PCDHA10: variants seen among roughly 807,000 people sequenced by gnomAD.
The protein encoded by PCDHA10 is protocadherin alpha-10.
PCDHA10 carries 45 observed loss-of-function variants against 61.2 expected under a neutral mutation model. The ratio of observed to expected loss-of-function variants is 0.74; its 90% CI spans 0.58 to 0.94. The LOEUF (loss-of-function observed/expected upper bound fraction) is 0.94, where lower values mean the gene tolerates loss of function less well. Among genes scored for constraint, PCDHA10 ranks in the 40% least tolerant of loss-of-function variants. PCDHA10 has a pLI of 0.00. For missense variants in PCDHA10, 1,278 were observed against 1,236.2 expected, an observed-to-expected ratio of 1.03 and a Z score of -0.51; for synonymous variants, 602 against 548.8, an observed-to-expected ratio of 1.10 and a Z score of -1.35.
rs139165612 is a variant in PCDHA10 at position 140,875,715 on chromosome 5, T to C, written c.2388+17279T>C. On this transcript the variant is annotated intron_variant, in intron 1 of 3. Coordinates refer to ENST00000307360, the MANE Select transcript of PCDHA10 (RefSeq NM_018901.4). Reference sequence around the variant, plus strand: ...ACCTTCTGGAGGTAAATCTGCAGAATGGCATTTTGTTTGTGAATTCTCGGA... The same window carrying C: ...ACCTTCTGGAGGTAAATCTGCAGAACGGCATTTTGTTTGTGAATTCTCGGA... 205 of 1,614,134 alleles carry C rather than the reference T, an allele frequency of 1.3e-4. 1 individual carries two copies. The African/African-American group carries it at 2.2e-3, about 17-fold the overall frequency.
At chr5:140,908,971 C>T (rs2074247509) in intron 1 of PCDHA10, among the ~76,000 whole-genome samples, 1 of 152,274 alleles carries the variant, frequency 6.6e-6, no homozygotes, top group Admixed American at 6.5e-5. Flanking sequence ...TGATAGGCCC[C>T]ACTCCACTGG....
intron 1 of PCDHA10, chr5:140,883,195 T>A (rs781816525): frequency 6.2e-7 from 1 of 1,613,786 alleles, no homozygotes; most frequent in Non-Finnish European, 8.5e-7. Context: ...GCAAACTAGA[T>A]TTCGAAGAAA....
In PCDHA10 at chr5:140,857,942, A is replaced by G; in HGVS notation, c.1894A>G (p.Thr632Ala). 6.3e-7 allele frequency: 1 copy of G among 1,597,440 alleles called. No homozygotes were observed. Among genetic ancestry groups the G allele is most frequent in the Non-Finnish European group, 8.6e-7 (1 of 1,167,414 alleles). ...GGGGCTGTACACGGGCGAGATCAGTACGACGCGCGCTCTGGATGAGACTGA... is the reference window on the plus strand; with the variant it reads ...GGGGCTGTACACGGGCGAGATCAGTGCGACGCGCGCTCTGGATGAGACTGA... ...RVGLYTGEISTTRALDETDSP... is the reference protein window; with the variant it reads ...RVGLYTGEISATRALDETDSP... Residue 632 changes from threonine (T) to alanine (A), a missense_variant, in exon 1 of 4, where the codon ACG becomes GCG. Physicochemically the swap from Thr to Ala is moderately conservative, Grantham distance 58 (BLOSUM62 0). Coordinates refer to ENST00000307360, the MANE Select transcript of PCDHA10 (RefSeq NM_018901.4).
chr5:140,892,580 A>G (rs1462175198), intron 1 of PCDHA10, among the ~76,000 whole-genome samples: 1 of 152,198 alleles, frequency 6.6e-6, no homozygotes, highest in African/African-American at 2.4e-5. Context: ...AGTATATCTC[A>G]GTATTCATTC....
rs2044123180 is a variant in PCDHA10 at position 140,856,634 on chromosome 5, C to A, written c.586C>A (p.Arg196=). 2 of 1,597,826 alleles carry A rather than the reference C, an allele frequency of 1.3e-6. No individual in the cohort carries two copies. The highest frequency in any genetic ancestry group is 1.3e-5 in the African/African-American group (1 of 74,284). The change falls in exon 1 of 4, where the codon CGG becomes AGG. Residue 196 remains arginine (R), a synonymous_variant. Transcript: ENST00000307360. ...AGACAAATTCCCAGTGCTTGTTCTG[C>A]GGAAGCTGCTGGATCGTGAAGAAAA... The part of the protein sequence containing the change: ...DKDKFPVLVL[R]KLLDREENPQ...
rs1039422866 is a variant in PCDHA10 at position 140,928,669 on chromosome 5, A to G, written c.2389-50280A>G. 6 of 1,614,042 alleles carry G rather than the reference A, an allele frequency of 3.7e-6. No homozygotes were observed. The African/African-American group carries it at 6.7e-5, about 18-fold the overall frequency. On this transcript the variant is annotated intron_variant, in intron 1 of 3. Transcript: ENST00000307360. ...AGCAGAGGATGCTGACAGTGGTTCT[A>G]ATGCCTGGCTTTCCTACCACATCTC...
intron 1 of PCDHA10, chr5:140,968,403 T>C (rs1554230673): frequency 6.2e-7 from 1 of 1,613,984 alleles, no homozygotes; most frequent in Non-Finnish European, 8.5e-7. Context: ...CGGGAGTTCT[T>C]TGTGACTGTG....
At position 140,884,506 on chromosome 5, in the gene PCDHA10, G is replaced by C. The variant is rs10076265; in HGVS notation, c.2388+26070G>C. 4,595 of 1,614,168 alleles carry C rather than the reference G, an allele frequency of 2.8e-3. 101 individuals are homozygous for C. In the African/African-American group the frequency reaches 0.053, roughly 19 times the overall value. On this transcript the variant is annotated intron_variant, in intron 1 of 3. Coordinates refer to ENST00000307360, the MANE Select transcript of PCDHA10 (RefSeq NM_018901.4). Reference sequence around the variant, plus strand: ...CTCTAGTGTGCTCCAGCGCGGCAGGGAGTTGGTCGTACTCGCAGCAGAGGC... The same window carrying C: ...CTCTAGTGTGCTCCAGCGCGGCAGGCAGTTGGTCGTACTCGCAGCAGAGGC...
chr5:140,985,813 CA>C lies in PCDHA10; in HGVS notation c.2536+3251del, dbSNP rs527803363. 8.2e-5 allele frequency among the ~76,000 whole-genome samples: 12 copies of C among 146,604 alleles called. No homozygotes were observed. In the East Asian group the frequency reaches 2.3e-3, roughly 28 times the overall value. ...GGAGTGCAGTGGCACGATCTCAGCT[CA>C]CAACAAGCTCTGCCTCCCGGGTTCA... On this transcript the variant is annotated intron_variant, in intron 3 of 3. Transcript: ENST00000307360.
At chr5:140,939,285 T>A (rs2092357056) in intron 1 of PCDHA10, among the ~76,000 whole-genome samples, 1 of 152,108 alleles carries the variant, frequency 6.6e-6, no homozygotes, top group Admixed American at 6.5e-5. Flanking sequence ...GCCCTCGTGA[T>A]CTAATCATCT....
chr5:141,003,796 G>A (rs2098138988), intron 3 of PCDHA10, among the ~76,000 whole-genome samples: 1 of 152,168 alleles, frequency 6.6e-6, no homozygotes, highest in Non-Finnish European at 1.5e-5. Context: ...ATCCTATTGG[G>A]TTGTAATCTG....
intron 3 of PCDHA10, among the ~76,000 whole-genome samples, chr5:140,983,425 C>A (rs1252010683): frequency 6.6e-6 from 1 of 152,198 alleles, no homozygotes; most frequent in Non-Finnish European, 1.5e-5. Context: ...GTAGAGACCA[C>A]AAATTGTGTC....
At chr5:140,871,729 G>T in intron 1 of PCDHA10, 2 of 714,516 alleles carry the variant, frequency 2.8e-6, no homozygotes, top group South Asian at 2.4e-5. Context: ...TTAATATTTG[G>T]TTAGCAAATC....
rs782731784 is a variant in PCDHA10, at chr5:140,857,723, G to A, written c.1675G>A (p.Asp559Asn). 2.5e-6 allele frequency: 4 copies of A among 1,597,400 alleles called. No individual in the cohort carries two copies. Among genetic ancestry groups the A allele is most frequent in the Admixed American group, 1.7e-5 (1 of 59,286 alleles). Residue 559 changes from aspartate (D) to asparagine (N), a missense_variant, in exon 1 of 4, where the codon GAC becomes AAC. Transcript: ENST00000307360. ...GCAGGTGTTCGTGCTGGACGAGAAC[G>A]ACAACGCTCCCGCGCTGCTGGCGTC... ...TLQVFVLDEN[D>N]NAPALLASPA...
rs782003848 is a variant in PCDHA10 at position 140,929,358 on chromosome 5, G to GC, written c.2389-49588dup. The GC allele has an allele frequency of 3.9e-6, 6 of 1,522,886 alleles. No homozygotes were observed. The South Asian group carries it at 5.3e-5, about 13-fold the overall frequency. 94.3% of individuals were successfully genotyped at this position (1,522,886 alleles called of 1,614,324 possible). A position where few individuals can be genotyped will look rare whatever the true frequency, so the allele number is the denominator to read the frequency against. Reference sequence around the variant, plus strand: ...AATTTTATGGAATTTGATTCCTTTGGCCCGGAGATGGCTGCTAGCTGTGTT... The same window carrying GC: ...AATTTTATGGAATTTGATTCCTTTGGCCCCGGAGATGGCTGCTAGCTGTGTT... On this transcript the variant is annotated intron_variant, in intron 1 of 3. Coordinates refer to ENST00000307360, the MANE Select transcript of PCDHA10 (RefSeq NM_018901.4).
At chr5:140,921,726 A>C (rs1278671755) in intron 1 of PCDHA10, among the ~76,000 whole-genome samples, 1 of 152,170 alleles carries the variant, frequency 6.6e-6, no homozygotes, top group East Asian at 1.9e-4. Flanking sequence ...AATTACTCCC[A>C]TAAAAATTAT....
chr5:140,884,733 T>C lies in PCDHA10; in HGVS notation c.2388+26297T>C, dbSNP rs782206169. On this transcript the variant is annotated intron_variant, in intron 1 of 3. Transcript: ENST00000307360. ...TCCTTGCAGTTGTTTGTTTAAGACA[T>C]CTTTCCTGCCAATTTCAAATTATTC... 1.1e-4 allele frequency: 158 copies of C among 1,448,002 alleles called. No homozygotes were observed. The Middle Eastern group carries it at 1.8e-3, about 17-fold the overall frequency. The allele number at this position is 1,448,002 out of a possible 1,614,324, so 89.7% of individuals were successfully genotyped here. A position where few individuals can be genotyped will look rare whatever the true frequency, so the allele number is the denominator to read the frequency against.
chr5:140,891,893 CAAG>C (rs2063302978), intron 1 of PCDHA10, among the ~76,000 whole-genome samples: 1 of 152,210 alleles, frequency 6.6e-6, no homozygotes, highest in Non-Finnish European at 1.5e-5. Flanking sequence ...GACGATGCAG[CAAG>C]AAGATCTTCA....
rs1554262721 is a variant in PCDHA10, at chr5:141,010,165, GA to G, written c.*230del. ...TTCTCTCCACTCTGGCTTGTTTTCA[GA>G]ACCTAAAAAGCAGACCCAAGTTTCC... On this transcript the variant is annotated 3_prime_UTR_variant, in exon 4 of 4. Coordinates refer to ENST00000307360, the MANE Select transcript of PCDHA10 (RefSeq NM_018901.4). The G allele has an allele frequency of 1.9e-6, 3 of 1,563,714 alleles. No homozygotes were observed.
Sources: gnomAD v4.1 joint callset for allele counts (sites outside exome capture counted in the v4.1 genomes callset) on GRCh38, gnomAD v4.1.1 for gene constraint, MANE v1.5 for transcripts, NCBI Gene and HGNC (gene_info 2026-07-23, HGNC 2026-07-21) for gene names.